ARSB: variants seen among roughly 807,000 people sequenced by gnomAD.
ARSB encodes the protein arylsulfatase B.
A neutral mutation model predicts 50.9 loss-of-function variants in ARSB; 41 were observed. The observed-to-expected ratio is 0.81, with a 90% CI of 0.63 to 1.04. ARSB has a LOEUF of 1.04. Among genes scored for constraint, ARSB ranks in the 50% least tolerant of loss-of-function variants. The probability of loss-of-function intolerance (pLI) is 0.00; values close to 1 mark genes in which losing one functional copy is unlikely to be tolerated. For missense variants in ARSB, 672 were observed against 693.3 expected, an observed-to-expected ratio of 0.97 and a Z score of 0.35; for synonymous variants, 269 against 284.8, an observed-to-expected ratio of 0.94 and a Z score of 0.56.
chr5:78,973,749 G>A (rs550780182), intron 1 of ARSB, among the ~76,000 whole-genome samples: 40 of 152,288 alleles, frequency 2.6e-4, no homozygotes, highest in African/African-American at 9.1e-4. Flanking sequence ...GCAAACCACT[G>A]CTGCACAGAA....
intron 2 of ARSB, among the ~76,000 whole-genome samples, chr5:78,965,007 A>C (rs1752146257): frequency 6.6e-6 from 1 of 152,186 alleles, no homozygotes; most frequent in Admixed American, 6.5e-5. Context: ...GGATTCAAAC[A>C]ATGTTTGTTG....
At chr5:78,979,370 CCCACA>C (rs1752800930) in intron 1 of ARSB, among the ~76,000 whole-genome samples, 1 of 152,166 alleles carries the variant, frequency 6.6e-6, no homozygotes. Flanking sequence ...GACGCTAAAA[CCCACA>C]TACGTTGCTA....
chr5:78,857,977 T>A (rs1746235387), intron 5 of ARSB, among the ~76,000 whole-genome samples: 2 of 152,206 alleles, frequency 1.3e-5, no homozygotes, highest in South Asian at 4.1e-4. Flanking sequence ...TCATTCAACC[T>A]TCAACACTGT....
intron 5 of ARSB, among the ~76,000 whole-genome samples, chr5:78,861,381 G>A (rs190442755): frequency 0.018 from 2,683 of 152,104 alleles, 34 homozygotes; most frequent in Non-Finnish European, 0.028. Flanking sequence ...CTGGCAAACC[G>A]AATCCAGCAG....
chr5:78,950,230 AAACCCCATCAC>A (rs1751439799), intron 4 of ARSB, among the ~76,000 whole-genome samples: 1 of 152,148 alleles, frequency 6.6e-6, no homozygotes, highest in Admixed American at 6.5e-5. Flanking sequence ...GAACAAGATG[AAACCCCATCAC>A]AACATAAGAA....
At chr5:78,933,133 C>G (rs142878788) in intron 4 of ARSB, among the ~76,000 whole-genome samples, 1 of 152,206 alleles carries the variant, frequency 6.6e-6, no homozygotes, top group African/African-American at 2.4e-5. Context: ...AGAGGTGACA[C>G]TGCTCATCAC....
chr5:78,851,135 G>C (rs1299497675), intron 5 of ARSB, among the ~76,000 whole-genome samples: 37 of 152,040 alleles, frequency 2.4e-4, no homozygotes, highest in South Asian at 1.0e-3. Context: ...TTTTCTAGTT[G>C]TTTTAATTGT....
At chr5:78,894,687 T>C (rs573324279) in intron 4 of ARSB, among the ~76,000 whole-genome samples, 1 of 152,222 alleles carries the variant, frequency 6.6e-6, no homozygotes, top group Non-Finnish European at 1.5e-5. Flanking sequence ...ATGAAGCAGT[T>C]TGTTTAAAGC....
chr5:78,874,480 T>C lies in ARSB; in HGVS notation c.1142+11104A>G, dbSNP rs145940716. On this transcript the variant is annotated intron_variant, in intron 5 of 7. Coordinates refer to ENST00000264914, the MANE Select transcript of ARSB (RefSeq NM_000046.5). ...TGTCATTTAAATGTGACAAACCAAA[T>C]AGTGGAACCTAAGTAAGAAAAAAGG... 1.4e-4 allele frequency among the ~76,000 whole-genome samples: 22 copies of C among 152,158 alleles called. No homozygotes were observed. In the East Asian group the frequency reaches 4.2e-3, roughly 29 times the overall value.
intron 5 of ARSB, among the ~76,000 whole-genome samples, chr5:78,864,756 G>T (rs1274252773): frequency 6.6e-6 from 1 of 152,206 alleles, no homozygotes; most frequent in African/African-American, 2.4e-5. Context: ...CTAAATACAA[G>T]GGGGATACAG....
At chr5:78,851,768 G>A (rs1438710347) in intron 5 of ARSB, among the ~76,000 whole-genome samples, 2 of 152,132 alleles carry the variant, frequency 1.3e-5, no homozygotes, top group Admixed American at 1.3e-4. Flanking sequence ...TATATATTTA[G>A]GATAGTTAGC....
chr5:78,890,801 T>C (rs1341089393), intron 4 of ARSB, among the ~76,000 whole-genome samples: 1 of 152,204 alleles, frequency 6.6e-6, no homozygotes, highest in Non-Finnish European at 1.5e-5. Context: ...TTCTCCCTGT[T>C]GTTAGAATAT....
intron 6 of ARSB, among the ~76,000 whole-genome samples, chr5:78,813,966 A>G (rs1008819791): frequency 6.6e-6 from 1 of 152,246 alleles, no homozygotes; most frequent in South Asian, 2.1e-4. Context: ...ACTATAAAAC[A>G]CAAGTACCAA....
intron 1 of ARSB, 88 bp from the exon 2 acceptor site, chr5:78,969,280 T>G: frequency 1.5e-6 from 2 of 1,363,320 alleles, no homozygotes; most frequent in Non-Finnish European, 2.1e-6. Context: ...TTACTGATCA[T>G]ATCTGTTGAC....
intron 6 of ARSB, among the ~76,000 whole-genome samples, chr5:78,832,450 A>G (rs1245270544): frequency 2.0e-5 from 3 of 152,158 alleles, no homozygotes; most frequent in Non-Finnish European, 4.4e-5. Context: ...TCGAGTATTT[A>G]TAACAGTACC....
intron 4 of ARSB, among the ~76,000 whole-genome samples, chr5:78,893,041 T>A (rs1442426468): frequency 6.6e-6 from 1 of 152,166 alleles, no homozygotes; most frequent in Non-Finnish European, 1.5e-5. Context: ...GGAGACCCAG[T>A]GGGAGATAAT....
chr5:78,930,448 G>GAA (rs34917607), intron 4 of ARSB, among the ~76,000 whole-genome samples: 2 of 151,834 alleles, frequency 1.3e-5, no homozygotes, highest in East Asian at 1.9e-4. Flanking sequence ...AAAAGAAAAA[G>GAA]AAAAAAAGAT....
chr5:78,823,720 T>C (rs915834880), intron 6 of ARSB, among the ~76,000 whole-genome samples: 2 of 152,226 alleles, frequency 1.3e-5, no homozygotes, highest in Non-Finnish European at 2.9e-5. Context: ...TGATGAGCTC[T>C]AAAATCTTCA....
intron 4 of ARSB, among the ~76,000 whole-genome samples, chr5:78,915,405 C>T (rs1029571841): frequency 1.3e-5 from 2 of 151,962 alleles, no homozygotes; most frequent in Non-Finnish European, 2.9e-5. Context: ...CATTGAGGAT[C>T]GTGATTAGGA....
Sources: allele counts gnomAD v4.1 joint callset (sites outside exome capture counted in the v4.1 genomes callset), GRCh38; gene constraint gnomAD v4.1.1; transcripts MANE v1.5; gene names NCBI Gene and HGNC (gene_info 2026-07-23, HGNC 2026-07-21).